Variants in ASIC2 observed in about 807,000 individuals in gnomAD.
ASIC2 encodes acid sensing ion channel subunit 2.
A neutral mutation model predicts 57.3 loss-of-function variants in ASIC2; 25 were observed. That is an observed-to-expected ratio of 0.44 (90% CI 0.32 to 0.61). The LOEUF is 0.61. ASIC2 is among the 20% of genes least tolerant of loss of function. The pLI is 0.06. For missense variants in ASIC2, 641 were observed against 738.1 expected, an observed-to-expected ratio of 0.87 and a Z score of 1.52; for synonymous variants, 319 against 307.5, an observed-to-expected ratio of 1.04 and a Z score of -0.39.
chr17:33,528,467 G>C, intron 1 of ASIC2, among the ~76,000 whole-genome samples: 1 of 151,958 alleles, frequency 6.6e-6, no homozygotes, highest in East Asian at 1.9e-4. Flanking sequence ...AAAAATTTTC[G>C]ACATAATTTC....
intron 1 of ASIC2, among the ~76,000 whole-genome samples, chr17:34,098,423 C>T (rs1462985045): frequency 6.6e-6 from 1 of 152,180 alleles, no homozygotes. Flanking sequence ...ATCTTAGAAT[C>T]AGGGAAATAC....
chr17:33,458,888 A>AT (rs1912539395), intron 1 of ASIC2, among the ~76,000 whole-genome samples: 2 of 152,180 alleles, frequency 1.3e-5, no homozygotes, highest in African/African-American at 4.8e-5. Flanking sequence ...AACTAGAGTA[A>AT]TTCAGGGGTG....
rs1244300127 is a variant in ASIC2 at position 33,436,850 on chromosome 17, C to CTTT, written c.556-324784_556-324783insAAA. 1.4e-3 allele frequency among the ~76,000 whole-genome samples: 107 copies of CTTT among 76,016 alleles called. 5 individuals are homozygous for CTTT. The highest frequency in any genetic ancestry group is 8.6e-3 in the Middle Eastern group (1 of 116). The allele number at this position is 76,016 out of a possible 152,430, so 49.9% of individuals were successfully genotyped here. On this transcript the variant is annotated intron_variant, in intron 1 of 9. Coordinates refer to the ASIC2 transcript ENST00000359872. ...TGCAATGCCTTAAAACACATTCCAACTTCTTTTTTTTTTTTTTTTTTTTTT... is the reference window on the plus strand; with the variant it reads ...TGCAATGCCTTAAAACACATTCCAACTTTTTCTTTTTTTTTTTTTTTTTTTTTT...
chr17:34,005,682 C>G (rs551643803), intron 1 of ASIC2: 2 of 152,372 alleles, frequency 1.3e-5, no homozygotes, highest in Non-Finnish European at 1.5e-5. Context: ...TAAATCTCTA[C>G]TTAGTCTTCA....
intron 1 of ASIC2, among the ~76,000 whole-genome samples, chr17:33,509,282 C>T (rs180838289): frequency 3.3e-5 from 5 of 152,274 alleles, no homozygotes; most frequent in African/African-American, 1.2e-4. Flanking sequence ...AGGTTATAAG[C>T]CAAGGCCTCA....
chr17:33,730,870 C>A (rs1415130004), intron 1 of ASIC2, among the ~76,000 whole-genome samples: 1 of 152,120 alleles, frequency 6.6e-6, no homozygotes, highest in Non-Finnish European at 1.5e-5. Flanking sequence ...AAGATATATC[C>A]CCCCTGTTTC....
At chr17:33,378,026 C>T (rs1245584767) in intron 1 of ASIC2, among the ~76,000 whole-genome samples, 1 of 152,176 alleles carries the variant, frequency 6.6e-6, no homozygotes, top group Non-Finnish European at 1.5e-5. Flanking sequence ...GCAGATACCC[C>T]CTGGTAGGCA....
At chr17:33,307,220 C>T (rs1189198404) in intron 1 of ASIC2, among the ~76,000 whole-genome samples, 1 of 151,952 alleles carries the variant, frequency 6.6e-6, no homozygotes, top group Non-Finnish European at 1.5e-5. Flanking sequence ...ATTTCTTTAC[C>T]TGGTGGTCTT....
chr17:33,859,057 T>C (rs1010789309), intron 1 of ASIC2, among the ~76,000 whole-genome samples: 3 of 152,256 alleles, frequency 2.0e-5, no homozygotes, highest in African/African-American at 7.2e-5. Flanking sequence ...ATGTACTACA[T>C]GCCATTCATT....
chr17:33,240,749 CCCT>C (rs1432574783), intron 1 of ASIC2, among the ~76,000 whole-genome samples: 1 of 152,092 alleles, frequency 6.6e-6, no homozygotes, highest in African/African-American at 2.4e-5. Context: ...GGGGTCCGTG[CCCT>C]GCTGGTTCTT....
At chr17:33,637,352 A>G (rs973195211) in intron 1 of ASIC2, among the ~76,000 whole-genome samples, 16 of 151,896 alleles carry the variant, frequency 1.1e-4, no homozygotes, top group African/African-American at 3.4e-4. Flanking sequence ...TCCTCTGGTT[A>G]CTCTGGGCAC....
At chr17:33,466,198 GACAA>G (rs1458932846) in intron 1 of ASIC2, among the ~76,000 whole-genome samples, 2 of 152,116 alleles carry the variant, frequency 1.3e-5, no homozygotes, top group Admixed American at 6.5e-5. Flanking sequence ...ACCAATAACA[GACAA>G]ACAGAGAGCC....
intron 1 of ASIC2, among the ~76,000 whole-genome samples, chr17:33,201,339 G>T (rs1906851027): frequency 6.6e-6 from 1 of 152,140 alleles, no homozygotes; most frequent in Non-Finnish European, 1.5e-5. Context: ...GCCAACTCCG[G>T]CAGCCCTCCA....
Position 34,132,538 on chromosome 17 carries a change from G to A in ASIC2, c.555+23440C>T, listed in dbSNP as rs1912015739. Among the ~76,000 whole-genome samples, 2 of 151,588 alleles carry A rather than the reference G, an allele frequency of 1.3e-5. 1 individual carries two copies. Among genetic ancestry groups the A allele is most frequent in the South Asian group, 4.2e-4 (2 of 4,782 alleles). ...TGCAACTGGCTACTTTTAGGATCCT[G>A]CTGATTGGTGCGTTTTACAGAGCAC... On this transcript the variant is annotated intron_variant, in intron 1 of 9. Coordinates refer to the ASIC2 transcript ENST00000359872.
chr17:33,157,975 C>T (rs1194121487), intron 1 of ASIC2, among the ~76,000 whole-genome samples: 5 of 152,240 alleles, frequency 3.3e-5, no homozygotes, highest in Admixed American at 3.3e-4. Context: ...CTGTTCCCTC[C>T]TCCTGGAATG....
intron 1 of ASIC2, among the ~76,000 whole-genome samples, chr17:33,800,941 T>C (rs892751441): frequency 6.6e-6 from 1 of 152,232 alleles, no homozygotes; most frequent in African/African-American, 2.4e-5. Flanking sequence ...ATCAGTCTTT[T>C]AACTACCATG....
chr17:33,695,371 G>T (rs1242440735), intron 1 of ASIC2, among the ~76,000 whole-genome samples: 1 of 152,196 alleles, frequency 6.6e-6, no homozygotes, highest in Non-Finnish European at 1.5e-5. Flanking sequence ...TGGGGCTGGG[G>T]AGTGGCAGTA....
intron 1 of ASIC2, among the ~76,000 whole-genome samples, chr17:34,014,336 C>A (rs113170060): frequency 6.6e-6 from 1 of 152,148 alleles, no homozygotes; most frequent in African/African-American, 2.4e-5. Flanking sequence ...GTGGTTTGGC[C>A]GGAGCCTGTG....
chr17:33,303,197 G>A (rs1378480849), intron 1 of ASIC2, among the ~76,000 whole-genome samples: 2 of 152,226 alleles, frequency 1.3e-5, no homozygotes, highest in African/African-American at 2.4e-5. Context: ...AACACCCAGA[G>A]TTTAGAAAGA....
Sources: allele counts gnomAD v4.1 joint callset (sites outside exome capture counted in the v4.1 genomes callset), GRCh38; gene constraint gnomAD v4.1.1; transcripts MANE v1.5; gene names NCBI Gene and HGNC (gene_info 2026-07-23, HGNC 2026-07-21).